The following WDR41 variants were observed in gnomAD, a reference collection of about 807,000 sequenced individuals.
WDR41 encodes the protein WD repeat-containing protein 41.
In WDR41, 63 loss-of-function variants were observed where a neutral mutation model predicts 69.3. The observed-to-expected ratio is 0.91, with a 90% CI of 0.74 to 1.12. The LOEUF (loss-of-function observed/expected upper bound fraction) is 1.12. Ranked by LOEUF, WDR41 falls within the 50% of genes most tolerant of loss-of-function variation. The pLI is 0.00. For synonymous variants in WDR41, 185 were observed against 192.1 expected, an observed-to-expected ratio of 0.96 and a Z score of 0.31; for missense variants, 543 against 534.5, an observed-to-expected ratio of 1.02 and a Z score of -0.16.
chr5:77,478,781 T>C (rs1241878457), intron 2 of WDR41, among the ~76,000 whole-genome samples: 1 of 150,390 alleles, frequency 6.6e-6, no homozygotes, highest in African/African-American at 2.4e-5. Context: ...AGGGATGCCC[T>C]CTCTCACCAC....
chr5:77,583,038 G>A, intron 1 of WDR41: 1 of 1,597,610 alleles, frequency 6.3e-7, no homozygotes, highest in Non-Finnish European at 8.5e-7. Flanking sequence ...GTGGAATGAA[G>A]AAAAAGACCA....
intron 1 of WDR41, among the ~76,000 whole-genome samples, chr5:77,539,426 T>C (rs1261550083): frequency 6.6e-6 from 1 of 152,162 alleles, no homozygotes; most frequent in Admixed American, 6.5e-5. Context: ...TTAAAATGTA[T>C]ATTGTGATTC....
intron 12 of WDR41, among the ~76,000 whole-genome samples, chr5:77,435,026 A>G (rs918723707): frequency 6.6e-6 from 1 of 152,090 alleles, no homozygotes; most frequent in East Asian, 1.9e-4. Flanking sequence ...TTTATCCCCT[A>G]CTAGTGTCTG....
At chr5:77,555,757 T>C (rs978936694) in intron 1 of WDR41, among the ~76,000 whole-genome samples, 1 of 152,156 alleles carries the variant, frequency 6.6e-6, no homozygotes. Context: ...ATAAATGAAG[T>C]ATAAATCTTA....
At chr5:77,522,571 C>T (rs1269957632) in intron 1 of WDR41, among the ~76,000 whole-genome samples, 1 of 151,942 alleles carries the variant, frequency 6.6e-6, no homozygotes, top group Non-Finnish European at 1.5e-5. Flanking sequence ...ACCCGGGAGG[C>T]AGAGGTTGCA....
intron 1 of WDR41, among the ~76,000 whole-genome samples, chr5:77,529,287 C>CA (rs1381087608): frequency 6.6e-6 from 1 of 150,828 alleles, no homozygotes; most frequent in Non-Finnish European, 1.5e-5. Context: ...TAAAGAACAT[C>CA]AAAAAAAGCA....
rs1561732730 is a variant in WDR41, at chr5:77,445,928, A to G, written c.697+3832T>C. Among the ~76,000 whole-genome samples the G allele has an allele frequency of 2.0e-5, 3 of 152,202 alleles. No individual in the cohort carries two copies. In the South Asian group the frequency reaches 6.2e-4, roughly 31 times the overall value. ...AGTGTTGGAAGTTCTGTCCAGGGCA[A>G]TCAGGAAAGAGAAAGAAATAAAGGG... On this transcript the variant is annotated intron_variant, in intron 8 of 12. Coordinates refer to ENST00000296679, the MANE Select transcript of WDR41 (RefSeq NM_018268.4).
chr5:77,503,023 C>T (rs534350186), intron 1 of WDR41, among the ~76,000 whole-genome samples: 2 of 151,892 alleles, frequency 1.3e-5, no homozygotes, highest in African/African-American at 4.8e-5. Context: ...CAATATTAAC[C>T]TTAAATGTAA....
At chr5:77,539,848 A>T (rs1352690027) in intron 1 of WDR41, among the ~76,000 whole-genome samples, 1 of 152,216 alleles carries the variant, frequency 6.6e-6, no homozygotes, top group African/African-American at 2.4e-5. Flanking sequence ...GATTATATCC[A>T]ATGAATATTC....
chr5:77,450,760 A>G (rs1799595021), intron 7 of WDR41, among the ~76,000 whole-genome samples: 2 of 152,202 alleles, frequency 1.3e-5, no homozygotes, highest in African/African-American at 4.8e-5. Flanking sequence ...AGAAGTGACA[A>G]GTCTCTGAGA....
At chr5:77,608,207 G>A (rs2124937) in intron 1 of WDR41, among the ~76,000 whole-genome samples, 109,726 of 152,126 alleles carry the variant, frequency 0.72, 39,993 homozygotes, top group African/African-American at 0.82. Context: ...TCATACAGCA[G>A]AATGTCCTCA....
At chr5:77,437,300 G>A in intron 11 of WDR41, 36 bp downstream of exon 11, 1 of 1,554,902 alleles carries the variant, frequency 6.4e-7, no homozygotes, top group Non-Finnish European at 8.9e-7. Context: ...GAAAAAAGGA[G>A]AGAAAAAGAC....
At chr5:77,530,391 A>C (rs73126003) in intron 1 of WDR41, among the ~76,000 whole-genome samples, 14,316 of 151,730 alleles carry the variant, frequency 0.094, 1,417 homozygotes, top group African/African-American at 0.25. Flanking sequence ...CAATAGAAGA[A>C]TAGACAAACA....
At chr5:77,608,833 A>C (rs1744480439) in intron 1 of WDR41, among the ~76,000 whole-genome samples, 1 of 152,242 alleles carries the variant, frequency 6.6e-6, no homozygotes, top group Non-Finnish European at 1.5e-5. Context: ...ACCGTGCGCA[A>C]GCCGAAGCAG....
chr5:77,559,757 T>G (rs1743488149), intron 1 of WDR41, among the ~76,000 whole-genome samples: 1 of 152,072 alleles, frequency 6.6e-6, no homozygotes, highest in Admixed American at 6.5e-5. Flanking sequence ...AATCCTCCTT[T>G]AAGGTAATTG....
At chr5:77,457,138 C>A (rs1799866791) in intron 5 of WDR41, among the ~76,000 whole-genome samples, 1 of 151,984 alleles carries the variant, frequency 6.6e-6, no homozygotes, top group Non-Finnish European at 1.5e-5. Flanking sequence ...TGTCAAATGC[C>A]TTCTCTGTTT....
intron 1 of WDR41, among the ~76,000 whole-genome samples, chr5:77,600,307 A>C (rs1426506472): frequency 6.6e-6 from 1 of 152,226 alleles, no homozygotes; most frequent in Non-Finnish European, 1.5e-5. Flanking sequence ...ACTAGGATGA[A>C]TCTTAAAACC....
intron 1 of WDR41, among the ~76,000 whole-genome samples, chr5:77,563,698 G>A (rs1304193302): frequency 6.6e-6 from 1 of 152,172 alleles, no homozygotes; most frequent in Admixed American, 6.5e-5. Context: ...ACATACTGCA[G>A]ACACTGGAGA....
At chr5:77,526,738 A>G (rs2112200237) in intron 1 of WDR41, among the ~76,000 whole-genome samples, 1 of 152,276 alleles carries the variant, frequency 6.6e-6, no homozygotes, top group East Asian at 1.9e-4. Flanking sequence ...TCCATTAAAA[A>G]GGCCTTTTTA....
Sources: gnomAD v4.1 joint callset for allele counts (sites outside exome capture counted in the v4.1 genomes callset) on GRCh38, gnomAD v4.1.1 for gene constraint, MANE v1.5 for transcripts, NCBI Gene and HGNC (gene_info 2026-07-23, HGNC 2026-07-21) for gene names.